MEGF6: variants seen among roughly 807,000 people sequenced by gnomAD.
The protein encoded by MEGF6 is multiple epidermal growth factor-like domains protein 6.
In MEGF6, 184 loss-of-function variants were observed where a neutral mutation model predicts 207.1. The ratio of observed to expected loss-of-function variants is 0.89; its 90% CI spans 0.79 to 1.00. MEGF6 has a LOEUF of 1.00. Ranked by LOEUF, MEGF6 falls within the 50% of genes least tolerant of loss-of-function variation. The pLI, the probability that MEGF6 is intolerant of heterozygous loss-of-function variation, is 0.00. For missense variants in MEGF6, 2,282 were observed against 2,202.9 expected, an observed-to-expected ratio of 1.04 and a Z score of -0.72; for synonymous variants, 1,038 against 910.0, an observed-to-expected ratio of 1.14 and a Z score of -2.53.
At chr1:3,529,147 G>C (rs1557752747) in intron 4 of MEGF6, among the ~76,000 whole-genome samples, 1 of 152,162 alleles carries the variant, frequency 6.6e-6, no homozygotes. Flanking sequence ...CTGTGATCCA[G>C]GACCATCCCG....
In MEGF6 at chr1:3,492,766, A is replaced by G. The variant is rs992296542; in HGVS notation, c.4389T>C (p.Asp1463=). 3 of 1,610,838 alleles carry G rather than the reference A, an allele frequency of 1.9e-6. No individual in the cohort carries two copies. The African/African-American group carries it at 4.0e-5, about 22-fold the overall frequency. Reference sequence around the variant, plus strand: ...TGGGCCCAAACTGGCCCCTTCTGCAATCTGCAAGGCGGAGGGGGCGGGAGA... The same window carrying G: ...TGGGCCCAAACTGGCCCCTTCTGCAGTCTGCAAGGCGGAGGGGGCGGGAGA... ...PGRSGATCNL[D]CRRGQFGPSC... Residue 1463 remains aspartate (D), a splice_region_variant and synonymous_variant, in exon 35 of 37, where the codon GAT becomes GAC. Transcript: ENST00000356575.
intron 34 of MEGF6, chr1:3,493,431 A>G: frequency 2.6e-6 from 1 of 377,936 alleles, no homozygotes; most frequent in East Asian, 5.3e-5. Flanking sequence ...TCTGGGCTGG[A>G]GGGGCCACAG....
chr1:3,573,053 T>C lies in MEGF6; in HGVS notation c.481+6772A>G, dbSNP rs558878179. On this transcript the variant is annotated intron_variant, in intron 4 of 36. Coordinates refer to ENST00000356575, the MANE Select transcript of MEGF6 (RefSeq NM_001409.4). The surrounding 1 kb of genome is among the most constrained non-coding windows in gnomAD (Gnocchi z 5.1). Reference sequence around the variant, plus strand: ...GTATGCTGAGTTCTCTTGGGTGTGCTGGGTCCTCCCTGGTGGGCTGGGTTC... The same window carrying C: ...GTATGCTGAGTTCTCTTGGGTGTGCCGGGTCCTCCCTGGTGGGCTGGGTTC... Among the ~76,000 whole-genome samples, 55 of 148,222 alleles carry C rather than the reference T, an allele frequency of 3.7e-4. 1 individual carries two copies. The highest frequency in any genetic ancestry group is 7.3e-3 in the Middle Eastern group (2 of 274).
intron 2 of MEGF6, 126 bp from the exon 3 acceptor site, chr1:3,595,573 AG>A: frequency 1.3e-6 from 1 of 760,798 alleles, no homozygotes; most frequent in Admixed American, 2.3e-5. Flanking sequence ...TGCAGCACCA[AG>A]GTTCCTGGGT....
chr1:3,521,213 G>A (rs1641734829), intron 5 of MEGF6, among the ~76,000 whole-genome samples: 1 of 152,200 alleles, frequency 6.6e-6, no homozygotes, highest in African/African-American at 2.4e-5. Flanking sequence ...CCATGGGGGT[G>A]GGAGAGGCCA....
In MEGF6 at chr1:3,573,837, G is replaced by T. The variant is rs975181252; in HGVS notation, c.481+5988C>A. Among the ~76,000 whole-genome samples the T allele has an allele frequency of 6.6e-6, 1 of 152,182 alleles. No individual in the cohort carries two copies. Among genetic ancestry groups the T allele is most frequent in the Non-Finnish European group, 1.5e-5 (1 of 68,026 alleles). ...AGACTCCCACCCTCAGACACAGTGG[G>T]CAGCATTGAAAGGCAGTGGGGAGGG... On this transcript the variant is annotated intron_variant, in intron 4 of 36. Coordinates refer to ENST00000356575, the MANE Select transcript of MEGF6 (RefSeq NM_001409.4). The surrounding 1 kb of genome is among the most constrained non-coding windows in gnomAD (Gnocchi z 5.1).
At chr1:3,612,556 A>G (rs1225872009), upstream of MEGF6, among the ~76,000 whole-genome samples, 1 of 152,162 alleles carries the variant, frequency 6.6e-6, no homozygotes, top group African/African-American at 2.4e-5. Flanking sequence ...GATGGGGGCC[A>G]GGTGTGGCCC....
chr1:3,548,861 G>A (rs1471181871), intron 4 of MEGF6, among the ~76,000 whole-genome samples: 2 of 152,180 alleles, frequency 1.3e-5, no homozygotes, highest in East Asian at 1.9e-4. Context: ...CTGCAGCTGG[G>A]GGCCTTCAGG....
chr1:3,497,305 C>T lies in MEGF6; in HGVS notation c.3409G>A (p.Gly1137Ser). 1 of 1,550,706 alleles carries T rather than the reference C, an allele frequency of 6.4e-7. No homozygotes were observed. The highest frequency in any genetic ancestry group is 1.2e-5 in the South Asian group (1 of 82,230). Residue 1137 changes from glycine (G) to serine (S), a missense_variant, in exon 27 of 37, where the codon GGC becomes AGC. Transcript: ENST00000356575. ...ACAQRCSCPP[G>S]AACHHVTGAC... ...CCAGTGACGTGGTGGCAGGCAGCGC[C>T]AGGCGGGCAGCTGCAGCGCTGGGCA...
At chr1:3,596,256 C>T (rs1570227785) in intron 2 of MEGF6, among the ~76,000 whole-genome samples, 1 of 151,992 alleles carries the variant, frequency 6.6e-6, no homozygotes, top group African/African-American at 2.4e-5. Flanking sequence ...ATGGTAAGGC[C>T]CCCCAGGAGA....
intron 3 of MEGF6, among the ~76,000 whole-genome samples, chr1:3,583,327 G>T (rs1643846931): frequency 7.2e-6 from 1 of 138,440 alleles, no homozygotes; most frequent in African/African-American, 2.9e-5. Context: ...ACAACCCACA[G>T]CCACCAGACA....
chr1:3,589,222 C>A (rs887436652), intron 3 of MEGF6, among the ~76,000 whole-genome samples: 1 of 152,162 alleles, frequency 6.6e-6, no homozygotes, highest in African/African-American at 2.4e-5. Context: ...GGACCCTCCC[C>A]TAGAGCCTCA....
At chr1:3,553,612 G>A (rs530136210) in intron 4 of MEGF6, among the ~76,000 whole-genome samples, 23 of 152,308 alleles carry the variant, frequency 1.5e-4, no homozygotes, top group Non-Finnish European at 2.2e-4. Context: ...CTGCCTGCCC[G>A]GGAGGCCACG....
chr1:3,498,856 A>C, intron 24 of MEGF6, 30 bp from the exon 25 acceptor site: 1 of 1,544,410 alleles, frequency 6.5e-7, no homozygotes, highest in Non-Finnish European at 8.7e-7. Flanking sequence ...AGCAACCTGC[A>C]TCCCCCAGCC....
In MEGF6 at chr1:3,531,380, C is replaced by T. The variant is rs944184391; in HGVS notation, c.482-7134G>A. ...GGCGCGCAATCCCAGCCCCGGGATCCGCTCCGCTCGGCGCCGCCCGGGAGC... is the reference window on the plus strand; with the variant it reads ...GGCGCGCAATCCCAGCCCCGGGATCTGCTCCGCTCGGCGCCGCCCGGGAGC... On this transcript the variant is annotated intron_variant, in intron 4 of 36. Coordinates refer to ENST00000356575, the MANE Select transcript of MEGF6 (RefSeq NM_001409.4). 34 of 1,171,652 alleles carry T rather than the reference C, an allele frequency of 2.9e-5. No individual in the cohort carries two copies. In the South Asian group the frequency reaches 5.5e-4, roughly 19 times the overall value. The allele number at this position is 1,171,652 out of a possible 1,614,324, so 72.6% of individuals were successfully genotyped here. A position where few individuals can be genotyped will look rare whatever the true frequency, so the allele number is the denominator to read the frequency against.
chr1:3,545,814 C>T (rs1570106465), intron 4 of MEGF6, among the ~76,000 whole-genome samples: 1 of 152,354 alleles, frequency 6.6e-6, no homozygotes, highest in East Asian at 1.9e-4. Context: ...AAGCTTCTCC[C>T]CTCCCCCAGC....
chr1:3,494,528 T>C, intron 31 of MEGF6, 29 bp from the exon 32 acceptor site: 1 of 1,577,750 alleles, frequency 6.3e-7, no homozygotes, highest in South Asian at 1.2e-5. Context: ...GGGCAGTCCT[T>C]CGGCACCAGC....
intron 8 of MEGF6, 145 bp from the exon 9 acceptor site, chr1:3,511,832 T>C (rs922740090): frequency 1.5e-5 from 21 of 1,433,608 alleles, no homozygotes; most frequent in Non-Finnish European, 1.9e-5. Flanking sequence ...CCAGGCCTTG[T>C]TGGGTCTGGG....
At position 3,498,462 on chromosome 1, in the gene MEGF6, G is replaced by C. The variant is rs768344300; in HGVS notation, c.3261C>G (p.His1087Gln). ...LPRDVRAGCR[H>Q]SGGCLNGGLC... The stretch of plus-strand genomic sequence containing the variant: ...GGCCCCCGTTGAGGCAACCGCCGCT[G>C]TGCCGGCAGCCAGCTCTGACGTCCC... The change falls in exon 26 of 37, where the codon CAC becomes CAG. Residue 1087 changes from histidine (H) to glutamine (Q), a missense_variant. Transcript: ENST00000356575. 6.3e-6 allele frequency: 10 copies of C among 1,583,868 alleles called. No individual in the cohort carries two copies. The African/African-American group carries it at 1.3e-4, about 21-fold the overall frequency.
Sources: allele counts gnomAD v4.1 joint callset (sites outside exome capture counted in the v4.1 genomes callset), GRCh38; gene constraint gnomAD v4.1.1; non-coding constraint Gnocchi (gnomAD v3.1); transcripts MANE v1.5; gene names NCBI Gene and HGNC (gene_info 2026-07-23, HGNC 2026-07-21).